The following DPH6 variants were observed in gnomAD, a reference collection of about 807,000 sequenced individuals.
DPH6 encodes the protein diphthine--ammonia ligase.
Under a neutral mutation model 38.2 loss-of-function variants are expected in DPH6, and 33 were observed. The ratio of observed to expected loss-of-function variants is 0.86; its 90% CI spans 0.65 to 1.15. The LOEUF is 1.15. Among genes scored for constraint, DPH6 ranks in the 50% most tolerant of loss-of-function variants. DPH6 has a pLI of 0.00. For synonymous variants in DPH6, 108 were observed against 103.0 expected, an observed-to-expected ratio of 1.05 and a Z score of -0.30; for missense variants, 325 against 320.0, an observed-to-expected ratio of 1.02 and a Z score of -0.12.
chr15:35,494,730 C>T (rs2054526456), intron 3 of DPH6, among the ~76,000 whole-genome samples: 1 of 151,906 alleles, frequency 6.6e-6, no homozygotes, highest in African/African-American at 2.4e-5. Flanking sequence ...ATCCTATCAA[C>T]TTTTCTCCAT....
intron 3 of DPH6, among the ~76,000 whole-genome samples, chr15:35,465,631 T>G (rs1595388389): frequency 6.6e-6 from 1 of 152,306 alleles, no homozygotes; most frequent in African/African-American, 2.4e-5. Context: ...ATTAAAATAT[T>G]GCTGGACTAG....
In DPH6 at chr15:35,357,526, G is replaced by C. The variant is rs1050204871; in HGVS notation, n.207+15995C>G. Among the ~76,000 whole-genome samples, 5 of 152,166 alleles carry C rather than the reference G, an allele frequency of 3.3e-5. No individual in the cohort carries two copies. The East Asian group carries it at 7.7e-4, about 23-fold the overall frequency. ...AGGTTCTGTCTTGTTGTGTTTTCAG[G>C]ATTTATTTCAAGATTGAAAGCTCCT... On this transcript the variant is annotated intron_variant and non_coding_transcript_variant, in intron 3 of 3. Transcript: ENST00000558973.
chr15:35,341,855 A>T (rs1274104076), intron 3 of DPH6, among the ~76,000 whole-genome samples: 5 of 152,160 alleles, frequency 3.3e-5, no homozygotes, highest in African/African-American at 1.2e-4. Flanking sequence ...AGGATCAGGG[A>T]CCTGCTTAAA....
intron 5 of DPH6, among the ~76,000 whole-genome samples, chr15:35,413,093 T>C (rs1428877152): frequency 6.6e-6 from 1 of 151,560 alleles, no homozygotes; most frequent in Non-Finnish European, 1.5e-5. Context: ...TCAGGGTAAA[T>C]GGAAAATCTC....
intron 3 of DPH6, among the ~76,000 whole-genome samples, chr15:35,364,868 T>C (rs2052643618): frequency 6.6e-6 from 1 of 151,996 alleles, no homozygotes; most frequent in Admixed American, 6.6e-5. Flanking sequence ...TCTTCCCCAT[T>C]CTCCCTCTAG....
At chr15:35,298,979 T>G (rs1380422262) in intron 3 of DPH6, 14 of 761,614 alleles carry the variant, frequency 1.8e-5, no homozygotes, top group Non-Finnish European at 3.4e-5. Flanking sequence ...AATCTTCATC[T>G]TCATCAGAAT....
At chr15:35,266,684 GATTTT>G (rs2051785753) in intron 3 of DPH6, among the ~76,000 whole-genome samples, 1 of 152,120 alleles carries the variant, frequency 6.6e-6, no homozygotes, top group Admixed American at 6.6e-5. Context: ...CTTCCATTAT[GATTTT>G]ATTTTAACAG....
At chr15:35,328,840 A>G (rs570767967), downstream of DPH6, among the ~76,000 whole-genome samples, 85 of 152,342 alleles carry the variant, frequency 5.6e-4, no homozygotes, top group African/African-American at 2.0e-3. Flanking sequence ...TTGGACTTAC[A>G]GTTCCACGTG....
intron 6 of DPH6, among the ~76,000 whole-genome samples, chr15:35,404,348 G>A (rs966389087): frequency 1.3e-5 from 2 of 152,130 alleles, no homozygotes; most frequent in African/African-American, 2.4e-5. Context: ...CCCATAGACA[G>A]CATATGAGGG....
chr15:35,443,255 A>C (rs2053810858), intron 5 of DPH6, among the ~76,000 whole-genome samples: 1 of 152,188 alleles, frequency 6.6e-6, no homozygotes, highest in South Asian at 2.1e-4. Flanking sequence ...CCATTTTAAT[A>C]TAATATCTAT....
At chr15:35,542,147 G>A (rs1162601641) in intron 2 of DPH6, among the ~76,000 whole-genome samples, 1 of 152,060 alleles carries the variant, frequency 6.6e-6, no homozygotes. Context: ...CTACAAGTTT[G>A]TGCTAGTTTA....
At position 35,237,246 on chromosome 15, in the gene DPH6, G is replaced by A. The variant is rs2051559354; in HGVS notation, n.201-16664C>T. On this transcript the variant is annotated intron_variant and non_coding_transcript_variant, in intron 3 of 3. Coordinates refer to the DPH6 transcript ENST00000560386. ...TCGAGAACTGAGCGGAGCTGGTTGA[G>A]CCTTGAAAGTGCTAAAACGCGCGGC... The A allele has an allele frequency of 9.5e-6, 12 of 1,269,162 alleles. No individual in the cohort carries two copies. The South Asian group carries it at 1.1e-4, about 11-fold the overall frequency. The allele number at this position is 1,269,162 out of a possible 1,614,324, so 78.6% of individuals were successfully genotyped here. A position where few individuals can be genotyped will look rare whatever the true frequency, so the allele number is the denominator to read the frequency against.
At chr15:35,357,066 G>A (rs144663488) in intron 3 of DPH6, among the ~76,000 whole-genome samples, 4 of 152,340 alleles carry the variant, frequency 2.6e-5, no homozygotes, top group Admixed American at 6.5e-5. Flanking sequence ...CTCCGTGGGC[G>A]TAGGACTCTC....
At chr15:35,515,646 A>G (rs61646813) in intron 3 of DPH6, among the ~76,000 whole-genome samples, 17,031 of 149,738 alleles carry the variant, frequency 0.11, 1,465 homozygotes, top group African/African-American at 0.25. Context: ...GCGTGAACCC[A>G]GAAGGCAGAG....
At chr15:35,182,430 A>G in the DPH6 span, among the ~76,000 whole-genome samples, 1 of 151,804 alleles carries the variant, frequency 6.6e-6, no homozygotes, top group Non-Finnish European at 1.5e-5. Context: ...TATTATTGAC[A>G]AGGGTGATGA....
chr15:35,305,649 C>T (rs556699562), intron 3 of DPH6, among the ~76,000 whole-genome samples: 10 of 152,038 alleles, frequency 6.6e-5, no homozygotes, highest in African/African-American at 1.4e-4. Flanking sequence ...TTAAAAAGCA[C>T]GAAAGATCTT....
At chr15:35,343,085 C>A (rs1310345586) in intron 3 of DPH6, among the ~76,000 whole-genome samples, 6 of 152,100 alleles carry the variant, frequency 3.9e-5, no homozygotes, top group Non-Finnish European at 8.8e-5. Flanking sequence ...ACCTAGAATA[C>A]CATTGTCACA....
intron 3 of DPH6, among the ~76,000 whole-genome samples, chr15:35,455,761 C>A (rs2053988703): frequency 6.6e-6 from 1 of 152,120 alleles, no homozygotes; most frequent in South Asian, 2.1e-4. Context: ...TAGAAATTCT[C>A]TGAATAGGTG....
At chr15:35,181,145 G>A in the DPH6 span, among the ~76,000 whole-genome samples, 2 of 151,860 alleles carry the variant, frequency 1.3e-5, no homozygotes, top group African/African-American at 4.8e-5. Context: ...TTGTAAAATG[G>A]GGATAGGACT....
Sources: gnomAD v4.1 joint callset for allele counts (sites outside exome capture counted in the v4.1 genomes callset) on GRCh38, gnomAD v4.1.1 for gene constraint, MANE v1.5 for transcripts, NCBI Gene and HGNC (gene_info 2026-07-23, HGNC 2026-07-21) for gene names.